KANK1: variants seen among roughly 807,000 people sequenced by gnomAD.
The protein encoded by KANK1 is KN motif and ankyrin repeat domain-containing protein 1.
A neutral mutation model predicts 106.2 loss-of-function variants in KANK1; 109 were observed. The ratio of observed to expected loss-of-function variants is 1.03; its 90% CI spans 0.88 to 1.20. KANK1 has a LOEUF of 1.20. KANK1 is among the 50% of genes most tolerant of loss of function. The pLI is 0.00. For synonymous variants in KANK1, 873 were observed against 652.2 expected, an observed-to-expected ratio of 1.34 and a Z score of -5.16; for missense variants, 2,399 against 1,710.7, an observed-to-expected ratio of 1.40 and a Z score of -7.10.
At chr9:601,579 A>G (rs1278776468) in intron 1 of KANK1, among the ~76,000 whole-genome samples, 2 of 151,874 alleles carry the variant, frequency 1.3e-5, no homozygotes, top group African/African-American at 4.9e-5. Flanking sequence ...ATAACTGGTT[A>G]CTTGATGTCA....
intron 2 of KANK1, among the ~76,000 whole-genome samples, chr9:696,011 G>A (rs571842586): frequency 2.0e-5 from 3 of 152,276 alleles, no homozygotes; most frequent in Non-Finnish European, 4.4e-5. Flanking sequence ...ACTGCTTGAG[G>A]GCCAGGCGCG....
intron 1 of KANK1, among the ~76,000 whole-genome samples, chr9:620,080 C>A (rs1030752799): frequency 1.3e-5 from 2 of 151,674 alleles, no homozygotes; most frequent in African/African-American, 2.4e-5. Flanking sequence ...GAGGTTGAGC[C>A]AAGATCACAC....
At chr9:640,321 C>T (rs929974829) in intron 1 of KANK1, among the ~76,000 whole-genome samples, 8 of 151,230 alleles carry the variant, frequency 5.3e-5, no homozygotes, top group Non-Finnish European at 8.9e-5. Context: ...CTGCAGCCTC[C>T]ACCTCCTGGG....
At position 740,847 on chromosome 9, in the gene KANK1, G is replaced by C. The variant is rs114625699; in HGVS notation, c.3609G>C (p.Ala1203=). The C allele has an allele frequency of 6.2e-7, 1 of 1,613,948 alleles. No individual in the cohort carries two copies. The highest frequency in any genetic ancestry group is 8.5e-7 in the Non-Finnish European group (1 of 1,179,986). The part of the protein sequence containing the change: ...NKAGYTPIML[A]ALAAVEAEKD... ...CAGGCTACACCCCCATCATGTTGGC[G>C]GCCCTCGCCGCTGTGGAAGCAGAGA... Residue 1203 remains alanine (A), a synonymous_variant, in exon 9 of 12, where the codon GCG becomes GCC. Coordinates refer to ENST00000382297, the MANE Select transcript of KANK1 (RefSeq NM_015158.5).
chr9:559,690 A>T (rs1291140988), intron 1 of KANK1, among the ~76,000 whole-genome samples: 1 of 152,244 alleles, frequency 6.6e-6, no homozygotes, highest in Non-Finnish European at 1.5e-5. Context: ...TTTTTCAGAA[A>T]TGAAAAACAT....
intron 1 of KANK1, among the ~76,000 whole-genome samples, chr9:614,640 C>G (rs1299963228): frequency 6.6e-6 from 1 of 152,070 alleles, no homozygotes; most frequent in African/African-American, 2.4e-5. Context: ...GGAAGTGCCC[C>G]TCAGACATGA....
intron 1 of KANK1, among the ~76,000 whole-genome samples, chr9:636,101 G>A (rs927447494): frequency 3.0e-4 from 45 of 152,248 alleles, no homozygotes; most frequent in African/African-American, 8.7e-4. Flanking sequence ...AATTATTGGA[G>A]GAGCTTTCAA....
intron 2 of KANK1, chr9:693,348 G>A (rs1224997867): frequency 4.1e-6 from 4 of 975,362 alleles, no homozygotes; most frequent in African/African-American, 1.8e-5. Flanking sequence ...CTCTGCAGTG[G>A]AGGGTTAGGG....
chr9:730,134 G>C lies in KANK1; in HGVS notation c.2782G>C (p.Glu928Gln), dbSNP rs1831806318. 4 of 1,614,170 alleles carry C rather than the reference G, an allele frequency of 2.5e-6. No individual in the cohort carries two copies. In the East Asian group the frequency reaches 8.9e-5, roughly 36 times the overall value. Residue 928 changes from glutamate (E) to glutamine (Q), a missense_variant, in exon 4 of 12, where the codon GAA becomes CAA. By Grantham distance (29) the Glu-to-Gln change is conservative. Coordinates refer to ENST00000382297, the MANE Select transcript of KANK1 (RefSeq NM_015158.5). Reference sequence around the variant, plus strand: ...CTCCCAGACATCCCAGCCTGAGCAAGAAGTGGGGACCTCAGAAGGAAAGCC... The same window carrying C: ...CTCCCAGACATCCCAGCCTGAGCAACAAGTGGGGACCTCAGAAGGAAAGCC... ...LSSQTSQPEQ[E>Q]VGTSEGKPIS...
intron 1 of KANK1, among the ~76,000 whole-genome samples, chr9:615,153 C>T (rs909107217): frequency 3.3e-5 from 5 of 152,114 alleles, no homozygotes; most frequent in African/African-American, 1.2e-4. Context: ...CAGACTGGTC[C>T]TGAACTCCTG....
At position 706,940 on chromosome 9, in the gene KANK1, A is replaced by T. The variant is rs1018321576; in HGVS notation, c.38-3864A>T. 3.9e-5 allele frequency: 38 copies of T among 985,350 alleles called. No homozygotes were observed. The African/African-American group carries it at 4.7e-4, about 12-fold the overall frequency. The allele number at this position is 985,350 out of a possible 1,614,324, so 61.0% of individuals were successfully genotyped here. A position where few individuals can be genotyped will look rare whatever the true frequency, so the allele number is the denominator to read the frequency against. The stretch of plus-strand genomic sequence containing the variant: ...GCTTAAAGTGCTAGCTTTATTTAAA[A>T]ATCAGCTGGCAAAGCGGGAGTGAAG... On this transcript the variant is annotated intron_variant, in intron 2 of 11. Coordinates refer to ENST00000382297, the MANE Select transcript of KANK1 (RefSeq NM_015158.5).
intron 1 of KANK1, among the ~76,000 whole-genome samples, chr9:617,879 A>G (rs1209041371): frequency 2.0e-5 from 3 of 152,214 alleles, no homozygotes; most frequent in Non-Finnish European, 4.4e-5. Flanking sequence ...ACGTATTTAT[A>G]GAATGGAATT....
intron 1 of KANK1, among the ~76,000 whole-genome samples, chr9:625,866 G>A (rs1009028561): frequency 2.0e-5 from 3 of 151,922 alleles, no homozygotes; most frequent in African/African-American, 4.8e-5. Context: ...CTCACCACTC[G>A]GTTCATTTCC....
chr9:742,026 C>T (rs1001949259), intron 9 of KANK1, among the ~76,000 whole-genome samples, 179 bp from the exon 10 acceptor site: 3 of 152,200 alleles, frequency 2.0e-5, no homozygotes, highest in Admixed American at 2.0e-4. Context: ...TTCCTTTGCT[C>T]ATAGCTCATG....
At chr9:593,973 A>C (rs2135631868) in intron 1 of KANK1, among the ~76,000 whole-genome samples, 1 of 151,926 alleles carries the variant, frequency 6.6e-6, no homozygotes, top group South Asian at 2.1e-4. Flanking sequence ...GTGGAGAGCA[A>C]AGTGACTCCC....
intron 3 of KANK1, among the ~76,000 whole-genome samples, chr9:478,920 A>G (rs1025759670): frequency 1.4e-5 from 2 of 138,768 alleles, no homozygotes; most frequent in Admixed American, 7.4e-5. Context: ...AACATCCATT[A>G]CTTTTTTTTT....
At chr9:604,995 T>C (rs1359691581) in intron 1 of KANK1, among the ~76,000 whole-genome samples, 1 of 151,662 alleles carries the variant, frequency 6.6e-6, no homozygotes, top group East Asian at 1.9e-4. Flanking sequence ...GCAAATACCA[T>C]CTCATTTGTT....
chr9:738,263 C>T (rs373434711), intron 7 of KANK1, 22 bp from the exon 8 acceptor site: 33 of 1,593,978 alleles, frequency 2.1e-5, no homozygotes, highest in African/African-American at 1.2e-4. Context: ...GAAGAACTAA[C>T]GACCACTTGG....
chr9:656,283 A>T (rs1383124931), intron 1 of KANK1, among the ~76,000 whole-genome samples: 2 of 152,130 alleles, frequency 1.3e-5, no homozygotes, highest in Admixed American at 1.3e-4. Flanking sequence ...GAGAGACAAG[A>T]CCTTCGCGTG....
Sources: allele counts gnomAD v4.1 joint callset (sites outside exome capture counted in the v4.1 genomes callset), GRCh38; gene constraint gnomAD v4.1.1; transcripts MANE v1.5; gene names NCBI Gene and HGNC (gene_info 2026-07-23, HGNC 2026-07-21).